Variants in ITIH1 observed in about 807,000 individuals in gnomAD.
The protein encoded by ITIH1 is inter-alpha-trypsin inhibitor heavy chain 1.
Under a neutral mutation model 104.6 loss-of-function variants are expected in ITIH1, and 94 were observed. That is an observed-to-expected ratio of 0.90 (90% CI 0.76 to 1.07). The LOEUF (loss-of-function observed/expected upper bound fraction) is 1.07, where lower values mean the gene tolerates loss of function less well. Among genes scored for constraint, ITIH1 ranks in the 50% least tolerant of loss-of-function variants. The probability of loss-of-function intolerance (pLI) is 0.00; values close to 1 mark genes in which losing one functional copy is unlikely to be tolerated. For synonymous variants in ITIH1, 455 were observed against 464.4 expected (o/e 0.98, Z 0.26); for missense variants, 1,193 against 1,181.4 (o/e 1.01, Z -0.14).
intron 16 of ITIH1, 140 bp from the exon 17 acceptor site, chr3:52,787,846 G>A: frequency 1.0e-6 from 1 of 955,846 alleles, no homozygotes; most frequent in African/African-American, 1.6e-5. Flanking sequence ...GCCAATCAAG[G>A]GCATGTGATG....
At position 52,781,269 on chromosome 3, in the gene ITIH1, T is replaced by C. The variant is rs188458801; in HGVS notation, c.688-671T>C. Among the ~76,000 whole-genome samples the C allele has an allele frequency of 2.0e-3, 270 of 134,720 alleles. 2 individuals carry two copies. Among genetic ancestry groups the C allele is most frequent in the African/African-American group, 7.3e-3 (250 of 34,356 alleles). 88.4% of individuals were successfully genotyped at this position (134,720 alleles called of 152,430 possible). On this transcript the variant is annotated intron_variant, in intron 6 of 21. Coordinates refer to ENST00000273283, the MANE Select transcript of ITIH1 (RefSeq NM_002215.4). ...CTTCTTCTTCTTCTTCTTCTTCTTC[T>C]TCTTCTTCTTCTTCTTCCTCTTCTT...
Position 52,778,303 on chromosome 3 carries a change from C to G in ITIH1, c.139-37C>G, listed in dbSNP as rs374028334. ...AGGAAGTCCCTCGCTGACAGAGGCC[C>G]TGTCTCAGGCCACAGCTCCTTCATG... On this transcript the variant is annotated intron_variant, in intron 2 of 21. Coordinates refer to ENST00000273283, the MANE Select transcript of ITIH1 (RefSeq NM_002215.4). 5.6e-6 allele frequency: 9 copies of G among 1,603,756 alleles called. No individual in the cohort carries two copies. In the African/African-American group the frequency reaches 1.1e-4, roughly 19 times the overall value.
intron 12 of ITIH1, 83 bp downstream of exon 12, chr3:52,785,312 C>A: frequency 1.5e-6 from 2 of 1,310,302 alleles, no homozygotes; most frequent in African/African-American, 1.5e-5. Context: ...TTCCTGCCAT[C>A]CCCCAGAGGC....
At position 52,780,295 on chromosome 3, in the gene ITIH1, G is replaced by C. The variant is rs1699001175; in HGVS notation, c.600G>C (p.Gln200His). The change falls in exon 6 of 22, where the codon CAG becomes CAC. Residue 200 changes from glutamine (Q) to histidine (H), a missense_variant. Transcript: ENST00000273283. ...TTGATGTGGACATCTTCGAGCCCCA[G>C]GGGATCAGCAAGCTGGATGCCCAGG... ...FEIDVDIFEP[Q>H]GISKLDAQAS... 1 of 1,613,946 alleles carries C rather than the reference G, an allele frequency of 6.2e-7. No homozygotes were observed. Among genetic ancestry groups the C allele is most frequent in the Non-Finnish European group, 8.5e-7 (1 of 1,179,860 alleles).
chr3:52,791,043 C>A, intron 20 of ITIH1, 122 bp downstream of exon 20: 1 of 1,008,096 alleles, frequency 9.9e-7, no homozygotes, highest in Non-Finnish European at 1.4e-6. Context: ...TCCAGTGTGG[C>A]CTCCAAGGAG....
At chr3:52,791,248 G>A (rs1000490021) in intron 20 of ITIH1, among the ~76,000 whole-genome samples, 1 of 140,762 alleles carries the variant, frequency 7.1e-6, no homozygotes, top group African/African-American at 2.7e-5. Context: ...TACAGACACT[G>A]CTCTCTATGG....
Position 52,779,978 on chromosome 3 carries a change from T to A in ITIH1, c.574-291T>A. On this transcript the variant is annotated intron_variant, in intron 5 of 21. Transcript: ENST00000273283. This position sits in a 1 kb window ranked among gnomAD's most constrained non-coding sequence, Gnocchi z 4.4. ...TTGAGGGATGCAGGCATGTACACCT[T>A]CATTTGGTCAGTATTTTTGGAGTGC... 7.2e-7 allele frequency: 1 copy of A among 1,390,822 alleles called. No homozygotes were observed. The highest frequency in any genetic ancestry group is 1.6e-5 in the South Asian group (1 of 63,708). 86.2% of individuals were successfully genotyped at this position (1,390,822 alleles called of 1,614,324 possible).
At position 52,784,324 on chromosome 3, in the gene ITIH1, G is replaced by A. The variant is rs1259902014; in HGVS notation, c.1254G>A (p.Lys418=). 1 of 1,613,990 alleles carries A rather than the reference G, an allele frequency of 6.2e-7. No homozygotes were observed. The highest frequency in any genetic ancestry group is 1.1e-5 in the South Asian group (1 of 91,050). The part of the protein sequence containing the change: ...EGVTDRSQIL[K]NVRNAIRGRF... ...TGACGGACCGTTCCCAAATCCTCAA[G>A]AACGTCCGCAACGCCATCCGGGGCA... is the stretch of plus-strand genomic sequence containing the variant. The change falls in exon 11 of 22, where the codon AAG becomes AAA. Residue 418 remains lysine (K), a synonymous_variant. Transcript: ENST00000273283.
chr3:52,783,442 C>A, intron 10 of ITIH1, 103 bp downstream of exon 10: 2 of 1,288,806 alleles, frequency 1.6e-6, no homozygotes, highest in Non-Finnish European at 2.2e-6. Context: ...CATCAGGGGG[C>A]AGAAAAGCTC....
chr3:52,778,252 G>T, intron 2 of ITIH1, 88 bp from the exon 3 acceptor site: 1 of 1,366,130 alleles, frequency 7.3e-7, no homozygotes, highest in Non-Finnish European at 1.0e-6. Context: ...CATGCACTGG[G>T]GCTAAGTGCC....
In ITIH1 at chr3:52,783,275, C is replaced by A. The variant is rs1324717390; in HGVS notation, c.1161C>A (p.Ser387Arg). Residue 387 changes from serine (S) to arginine (R), a missense_variant, in exon 10 of 22, where the codon AGC (serine) becomes AGA (arginine). Physicochemically the swap from Ser to Arg is moderately radical, Grantham distance 110 (BLOSUM62 -1). Transcript: ENST00000273283. Reference sequence around the variant, plus strand: ...AGATCTTGAACCAAGTTCAGGAAAGCCTCCCAGAACTCAGCAACCATGCCT... The same window carrying A: ...AGATCTTGAACCAAGTTCAGGAAAGACTCCCAGAACTCAGCAACCATGCCT... ...GIEILNQVQE[S>R]LPELSNHASI... 6.2e-7 allele frequency: 1 copy of A among 1,614,112 alleles called. No homozygotes were observed. The highest frequency in any genetic ancestry group is 8.5e-7 in the Non-Finnish European group (1 of 1,180,010).
intron 7 of ITIH1, 33 bp downstream of exon 7, chr3:52,782,098 G>C (rs1394835712): frequency 6.8e-6 from 11 of 1,614,052 alleles, no homozygotes; most frequent in Non-Finnish European, 8.5e-6. Context: ...AGCACCCAGA[G>C]GATGGGCAAG....
Position 52,784,336 on chromosome 3 carries a change from C to A in ITIH1, c.1266C>A (p.Asn422Lys), listed in dbSNP as rs770488693. The change falls in exon 11 of 22, where the codon AAC (asparagine) becomes AAA (lysine). Residue 422 changes from asparagine to lysine, a missense_variant. Physicochemically the swap from Asn to Lys is moderately conservative, Grantham distance 94. Coordinates refer to ENST00000273283, the MANE Select transcript of ITIH1 (RefSeq NM_002215.4). ...CCCAAATCCTCAAGAACGTCCGCAA[C>A]GCCATCCGGGGCAGGTTCCCGCTCT... is the stretch of plus-strand genomic sequence containing the variant. ...DRSQILKNVR[N>K]AIRGRFPLYN... 10 of 1,613,972 alleles carry A rather than the reference C, an allele frequency of 6.2e-6. No homozygotes were observed.
At chr3:52,790,193 C>T (rs981468725) in intron 19 of ITIH1, 17 of 385,590 alleles carry the variant, frequency 4.4e-5, no homozygotes, top group Admixed American at 1.7e-4. Context: ...TGCTGAACTC[C>T]AGATTTCTCT....
chr3:52,785,809 T>G (rs1699182169), intron 12 of ITIH1, among the ~76,000 whole-genome samples: 1 of 152,220 alleles, frequency 6.6e-6, no homozygotes, highest in Non-Finnish European at 1.5e-5. Context: ...TTTCCTTTTC[T>G]GTACCATACT....
Position 52,778,597 on chromosome 3 carries a change from C to T in ITIH1, c.305+91C>T, listed in dbSNP as rs57787182. 13,392 of 1,568,012 alleles carry T rather than the reference C, an allele frequency of 8.5e-3. 930 individuals carry two copies. The African/African-American group carries it at 0.15, about 17-fold the overall frequency. On this transcript the variant is annotated intron_variant, in intron 3 of 21. Transcript: ENST00000273283. ...CAAGGATCGGAGTGGCCAGATAACG[C>T]AGAGCATCTCCTCATTCTAGAAGGG...
chr3:52,791,479 C>T, intron 20 of ITIH1, 38 bp from the exon 21 acceptor site: 1 of 1,554,588 alleles, frequency 6.4e-7, no homozygotes, highest in East Asian at 2.2e-5. Flanking sequence ...GAGCAAGTCC[C>T]CGAGATGGTA....
chr3:52,789,813 T>G lies in ITIH1; in HGVS notation c.2280T>G (p.Pro760=). Residue 760 remains proline, a synonymous_variant, in exon 19 of 22, where the codon CCT becomes CCG. Coordinates refer to ENST00000273283, the MANE Select transcript of ITIH1 (RefSeq NM_002215.4). Reference sequence around the variant, plus strand: ...CGCTGAACCCCGGCTTTGGTGGGCCTGTGTTTTCCTGGAGGGACCAAGCTG... The same window carrying G: ...CGCTGAACCCCGGCTTTGGTGGGCCGGTGTTTTCCTGGAGGGACCAAGCTG... The part of the protein sequence containing the change: ...NITLNPGFGG[P]VFSWRDQAVL... The G allele has an allele frequency of 6.2e-7, 1 of 1,614,186 alleles. No homozygotes were observed. Among genetic ancestry groups the G allele is most frequent in the East Asian group, 2.2e-5 (1 of 44,870 alleles).
Position 52,777,613 on chromosome 3 carries a change from A to G in ITIH1, c.-3A>G. ...GGTGACAGGGCAGCAGGAGCCTTAGAGCATGGACGGTGCCATGGGGCCTCG... is the reference window on the plus strand; with the variant it reads ...GGTGACAGGGCAGCAGGAGCCTTAGGGCATGGACGGTGCCATGGGGCCTCG... On this transcript the variant is annotated 5_prime_UTR_variant, in exon 1 of 22. Coordinates refer to ENST00000273283, the MANE Select transcript of ITIH1 (RefSeq NM_002215.4). 6.4e-7 allele frequency: 1 copy of G among 1,569,786 alleles called. No individual in the cohort carries two copies. Among genetic ancestry groups the G allele is most frequent in the Non-Finnish European group, 8.6e-7 (1 of 1,159,932 alleles).
Sources: gnomAD v4.1 joint callset for allele counts (sites outside exome capture counted in the v4.1 genomes callset) on GRCh38, gnomAD v4.1.1 for gene constraint, Gnocchi (gnomAD v3.1) non-coding constraint, MANE v1.5 for transcripts, NCBI Gene and HGNC (gene_info 2026-07-23, HGNC 2026-07-21) for gene names.